Variants in DAB1 observed in about 807,000 individuals in gnomAD.
DAB1 encodes DAB adaptor protein 1.
In DAB1, 15 loss-of-function variants were observed where a neutral mutation model predicts 64.6. The ratio of observed to expected loss-of-function variants is 0.23; its 90% CI spans 0.16 to 0.36. The LOEUF (loss-of-function observed/expected upper bound fraction) is 0.36. Among genes scored for constraint, DAB1 ranks in the 10% least tolerant of loss-of-function variants. The pLI is 1.00. For synonymous variants in DAB1, 235 were observed against 251.9 expected, an observed-to-expected ratio of 0.93 and a Z score of 0.64; for missense variants, 596 against 706.7, an observed-to-expected ratio of 0.84 and a Z score of 1.78.
chr1:57,365,787 A>G (rs1162818128), intron 1 of DAB1, among the ~76,000 whole-genome samples: 2 of 152,206 alleles, frequency 1.3e-5, no homozygotes, highest in Admixed American at 6.5e-5. Context: ...GTCTTGCTAG[A>G]GGTTGCACAG....
chr1:58,476,162 A>C (rs765645072), intron 3 of DAB1, among the ~76,000 whole-genome samples: 6 of 152,236 alleles, frequency 3.9e-5, no homozygotes, highest in Non-Finnish European at 7.3e-5. Flanking sequence ...TAATATTTCA[A>C]AGAGCTTAAC....
At chr1:57,389,550 T>A (rs920565963) in intron 1 of DAB1, among the ~76,000 whole-genome samples, 1 of 152,188 alleles carries the variant, frequency 6.6e-6, no homozygotes, top group African/African-American at 2.4e-5. Context: ...GCATATATGA[T>A]GAACTCCTAT....
At chr1:57,617,829 A>G (rs1335791612) in intron 7 of DAB1, among the ~76,000 whole-genome samples, 3 of 152,164 alleles carry the variant, frequency 2.0e-5, no homozygotes, top group African/African-American at 7.2e-5. Context: ...CTCCTGCCAT[A>G]AAAGACAAAA....
intron 6 of DAB1, among the ~76,000 whole-genome samples, chr1:57,784,326 GGAGGTTGCAGT>G (rs1333361829): frequency 6.6e-6 from 1 of 152,162 alleles, no homozygotes; most frequent in Non-Finnish European, 1.5e-5. Flanking sequence ...CCTGGAAGGT[GGAGGTTGCAGT>G]GACTCGAGAT....
chr1:58,168,205 C>T (rs1041841817), intron 4 of DAB1, among the ~76,000 whole-genome samples: 4 of 152,168 alleles, frequency 2.6e-5, no homozygotes, highest in African/African-American at 9.7e-5. Context: ...CAATCCCCAG[C>T]TCTTCAGAGT....
chr1:57,113,185 C>A (rs563920059), intron 4 of DAB1, among the ~76,000 whole-genome samples: 8 of 152,272 alleles, frequency 5.3e-5, no homozygotes, highest in South Asian at 4.1e-4. Flanking sequence ...GTCACTTAAC[C>A]ATTCCATGTC....
At chr1:57,738,197 T>A (rs1277546805) in intron 6 of DAB1, among the ~76,000 whole-genome samples, 7 of 152,204 alleles carry the variant, frequency 4.6e-5, no homozygotes, top group African/African-American at 7.2e-5. Context: ...GTAGGTTTCT[T>A]AGGTAGAAAA....
At chr1:57,202,938 C>G (rs1470334191) in intron 2 of DAB1, among the ~76,000 whole-genome samples, 1 of 152,134 alleles carries the variant, frequency 6.6e-6, no homozygotes, top group Non-Finnish European at 1.5e-5. Flanking sequence ...TTCTAGCTTA[C>G]CAAAAATTTC....
chr1:58,300,588 GAAAGAAAGAAAGA>G (rs1662109947), intron 4 of DAB1, among the ~76,000 whole-genome samples: 1 of 26,710 alleles, frequency 3.7e-5, no homozygotes, highest in African/African-American at 1.1e-4. Flanking sequence ...AAGAAAGAAA[GAAAGAAAGAAAGA>G]AAGAAAGAAA....
Position 58,034,399 on chromosome 1 carries a change from T to C in DAB1, n.387+116112A>G, listed in dbSNP as rs147807864. The stretch of plus-strand genomic sequence containing the variant: ...GGGATAACTGCAGCCCTGACTAATA[T>C]TGCAGCCTGAGCCAGAGGCTCCAGG... On this transcript the variant is annotated intron_variant and non_coding_transcript_variant, in intron 5 of 20. Transcript: ENST00000485760. 8.0e-4 allele frequency among the ~76,000 whole-genome samples: 122 copies of C among 152,304 alleles called. No individual in the cohort carries two copies. In the East Asian group the frequency reaches 0.017, roughly 21 times the overall value.
intron 7 of DAB1, among the ~76,000 whole-genome samples, chr1:57,440,662 C>T (rs1424528674): frequency 6.6e-6 from 1 of 152,136 alleles, no homozygotes; most frequent in Non-Finnish European, 1.5e-5. Context: ...TCTTGTCTGC[C>T]TTCTTATATT....
chr1:58,082,808 G>C (rs572074872), intron 5 of DAB1, among the ~76,000 whole-genome samples: 4 of 152,140 alleles, frequency 2.6e-5, no homozygotes, highest in East Asian at 1.9e-4. Flanking sequence ...GCAGACAGGT[G>C]GGGGGGAGGG....
At chr1:57,040,578 C>T (rs1647630864) in intron 9 of DAB1, among the ~76,000 whole-genome samples, 1 of 152,180 alleles carries the variant, frequency 6.6e-6, no homozygotes, top group Non-Finnish European at 1.5e-5. Flanking sequence ...AAGGATCAGG[C>T]TGCAAGATGG....
intron 4 of DAB1, among the ~76,000 whole-genome samples, chr1:58,185,290 T>C (rs546336093): frequency 6.6e-6 from 1 of 152,312 alleles, no homozygotes; most frequent in East Asian, 1.9e-4. Context: ...TCTCATTATC[T>C]GCAGGCATCT....
chr1:58,274,182 G>A (rs1661372732), intron 4 of DAB1, among the ~76,000 whole-genome samples: 1 of 143,684 alleles, frequency 7.0e-6, no homozygotes, highest in African/African-American at 2.6e-5. Context: ...GTACAGATGG[G>A]TTTTCGGTGT....
In DAB1 at chr1:57,170,704, C is replaced by T. The variant is rs896410693; in HGVS notation, c.68-25275G>A. 3.2e-4 allele frequency among the ~76,000 whole-genome samples: 49 copies of T among 152,206 alleles called. 1 individual carries two copies. The highest frequency in any genetic ancestry group is 8.9e-4 in the African/African-American group (37 of 41,538). On this transcript the variant is annotated intron_variant, in intron 2 of 14. Transcript: ENST00000371236. ...TCCATTGTCCCTTTTCTCTCTCAAC[C>T]CTATGCACACCTTATGTTCTTTTTA...
At chr1:58,303,748 T>C (rs1662226706) in intron 4 of DAB1, among the ~76,000 whole-genome samples, 1 of 152,192 alleles carries the variant, frequency 6.6e-6, no homozygotes, top group Non-Finnish European at 1.5e-5. Flanking sequence ...TTACAGAAAG[T>C]TGGGTGTTAA....
chr1:57,075,244 C>T (rs1651881181), intron 4 of DAB1, among the ~76,000 whole-genome samples: 1 of 152,164 alleles, frequency 6.6e-6, no homozygotes, highest in African/African-American at 2.4e-5. Flanking sequence ...ACTTACCAGG[C>T]AAGACAGCAG....
At chr1:57,418,954 C>T (rs1239385806) in intron 1 of DAB1, among the ~76,000 whole-genome samples, 1 of 152,042 alleles carries the variant, frequency 6.6e-6, no homozygotes, top group Non-Finnish European at 1.5e-5. Flanking sequence ...AGGGAAATAT[C>T]CAGGTGATTA....
Sources: gnomAD v4.1 joint callset for allele counts (sites outside exome capture counted in the v4.1 genomes callset) on GRCh38, gnomAD v4.1.1 for gene constraint, MANE v1.5 for transcripts, NCBI Gene and HGNC (gene_info 2026-07-23, HGNC 2026-07-21) for gene names.